The following EXOC6B variants were observed in gnomAD, a reference collection of about 807,000 sequenced individuals.
The protein encoded by EXOC6B is exocyst complex component 6B.
A neutral mutation model predicts 113.5 loss-of-function variants in EXOC6B; 54 were observed. That is an observed-to-expected ratio of 0.48 (90% CI 0.38 to 0.60). The LOEUF is 0.60. Among genes scored for constraint, EXOC6B ranks in the 20% least tolerant of loss-of-function variants. The pLI is 0.00. For synonymous variants in EXOC6B, 357 were observed against 339.0 expected (o/e 1.05, Z -0.58); for missense variants, 797 against 977.5 (o/e 0.82, Z 2.46).
intron 20 of EXOC6B, among the ~76,000 whole-genome samples, chr2:72,197,866 ATCC>A (rs1198785067): frequency 2.0e-5 from 3 of 152,180 alleles, no homozygotes; most frequent in East Asian, 3.8e-4. Context: ...AGAGTACATA[ATCC>A]TCCTAAAGGC....
chr2:72,727,693 T>G (rs1256978377), intron 5 of EXOC6B, among the ~76,000 whole-genome samples: 1 of 152,142 alleles, frequency 6.6e-6, no homozygotes, highest in Non-Finnish European at 1.5e-5. Context: ...TACTTTCAAC[T>G]GGTTCAAGAA....
At chr2:72,306,223 T>C (rs1169115324) in intron 20 of EXOC6B, among the ~76,000 whole-genome samples, 1 of 152,236 alleles carries the variant, frequency 6.6e-6, no homozygotes, top group Admixed American at 6.5e-5. Context: ...AAAATGAAAA[T>C]GTATACCGTT....
intron 1 of EXOC6B, among the ~76,000 whole-genome samples, chr2:72,745,937 T>A (rs1170416054): frequency 6.6e-6 from 1 of 152,132 alleles, no homozygotes; most frequent in Non-Finnish European, 1.5e-5. Context: ...TTTTTTCTTT[T>A]AATACCTTAA....
chr2:72,369,419 GA>G (rs1690860387), intron 19 of EXOC6B, among the ~76,000 whole-genome samples: 1 of 152,132 alleles, frequency 6.6e-6, no homozygotes, highest in Non-Finnish European at 1.5e-5. Context: ...TCAATATCGT[GA>G]AAATGGCCAT....
At chr2:72,362,626 C>T (rs964420214) in intron 19 of EXOC6B, among the ~76,000 whole-genome samples, 3 of 152,070 alleles carry the variant, frequency 2.0e-5, no homozygotes, top group African/African-American at 7.2e-5. Flanking sequence ...GATTCATTCA[C>T]CCTCGTGGCT....
chr2:72,488,942 TCTAAA>T (rs1005660336), intron 16 of EXOC6B, among the ~76,000 whole-genome samples: 15 of 152,308 alleles, frequency 9.8e-5, no homozygotes, highest in African/African-American at 3.6e-4. Context: ...TTGATACCTC[TCTAAA>T]CTAACCAGTT....
rs538367653 is a variant in EXOC6B at position 72,247,921 on chromosome 2, A to G, written c.2197-63734T>C. Among the ~76,000 whole-genome samples, 6 of 152,240 alleles carry G rather than the reference A, an allele frequency of 3.9e-5. No individual in the cohort carries two copies. In the East Asian group the frequency reaches 1.2e-3, roughly 29 times the overall value. On this transcript the variant is annotated intron_variant, in intron 20 of 21. Transcript: ENST00000272427. ...TCTTAAGAATCTTGGAGAGTCATCT[A>G]TTTTTTATGGTGTAGGTAAAAGATG...
At chr2:72,238,567 T>C (rs551839264) in intron 20 of EXOC6B, among the ~76,000 whole-genome samples, 119 of 152,326 alleles carry the variant, frequency 7.8e-4, no homozygotes, top group South Asian at 2.5e-3. Context: ...CAATGCTTGT[T>C]GTTACTTGTC....
intron 18 of EXOC6B, among the ~76,000 whole-genome samples, chr2:72,415,468 A>G (rs990811977): frequency 2.0e-5 from 3 of 152,158 alleles, no homozygotes; most frequent in Non-Finnish European, 4.4e-5. Context: ...ACTGTTAAAA[A>G]TATACTGACA....
intron 20 of EXOC6B, among the ~76,000 whole-genome samples, chr2:72,191,307 T>C (rs1489739774): frequency 1.3e-5 from 2 of 152,252 alleles, no homozygotes; most frequent in Non-Finnish European, 2.9e-5. Flanking sequence ...TATATTTCCT[T>C]GTTTTTTTCA....
chr2:72,259,904 T>G (rs1683604378), intron 20 of EXOC6B, among the ~76,000 whole-genome samples: 1 of 151,964 alleles, frequency 6.6e-6, no homozygotes, highest in African/African-American at 2.4e-5. Context: ...ATACAAAAAT[T>G]AGCCAGGGGT....
At chr2:72,460,794 G>A (rs958366091) in intron 18 of EXOC6B, among the ~76,000 whole-genome samples, 9 of 152,012 alleles carry the variant, frequency 5.9e-5, no homozygotes, top group Non-Finnish European at 1.0e-4. Flanking sequence ...GTGGCAGTCA[G>A]TGTGGTGATT....
intron 1 of EXOC6B, among the ~76,000 whole-genome samples, chr2:72,784,436 T>A (rs1432318643): frequency 6.6e-6 from 1 of 152,204 alleles, no homozygotes; most frequent in African/African-American, 2.4e-5. Context: ...TTTTGGGTAG[T>A]GTATTAGTCC....
intron 20 of EXOC6B, among the ~76,000 whole-genome samples, chr2:72,212,497 A>G (rs964440258): frequency 6.6e-6 from 1 of 152,240 alleles, no homozygotes; most frequent in African/African-American, 2.4e-5. Context: ...ATTAAATGTC[A>G]GTATCAAGCA....
chr2:72,299,501 C>T (rs1686363980), intron 20 of EXOC6B, among the ~76,000 whole-genome samples: 1 of 151,914 alleles, frequency 6.6e-6, no homozygotes, highest in Non-Finnish European at 1.5e-5. Context: ...TGTTATTACC[C>T]ACCCTCTGAA....
intron 20 of EXOC6B, among the ~76,000 whole-genome samples, chr2:72,249,446 G>A (rs892054306): frequency 3.3e-5 from 5 of 151,852 alleles, no homozygotes; most frequent in Non-Finnish European, 7.4e-5. Flanking sequence ...TAGTAGAGAC[G>A]GGGTTTCACC....
intron 7 of EXOC6B, among the ~76,000 whole-genome samples, chr2:72,567,061 T>C (rs1361952567): frequency 6.6e-6 from 1 of 152,058 alleles, no homozygotes; most frequent in African/African-American, 2.4e-5. Flanking sequence ...GGGATTTCAC[T>C]GAATATATCT....
chr2:72,246,187 C>G (rs1005808096), intron 20 of EXOC6B, among the ~76,000 whole-genome samples: 6 of 152,280 alleles, frequency 3.9e-5, no homozygotes, highest in African/African-American at 1.2e-4. Flanking sequence ...CCATGTCCAG[C>G]CTTGTGTCAC....
At position 72,464,817 on chromosome 2, in the gene EXOC6B, T is replaced by C. The variant is rs187822748; in HGVS notation, c.1980+343A>G. On this transcript the variant is annotated intron_variant, in intron 18 of 21. Transcript: ENST00000272427. ...CAGTTTATATAAAAAAGTTAAAGAA[T>C]ATTCTAAAACTAAAATATACATATC... The C allele has an allele frequency of 1.1e-4, 30 of 267,122 alleles. No homozygotes were observed. The East Asian group carries it at 2.1e-3, about 18-fold the overall frequency. 16.5% of individuals were successfully genotyped at this position (267,122 alleles called of 1,614,324 possible).
Sources: gnomAD v4.1 joint callset for allele counts (sites outside exome capture counted in the v4.1 genomes callset) on GRCh38, gnomAD v4.1.1 for gene constraint, MANE v1.5 for transcripts, NCBI Gene and HGNC (gene_info 2026-07-23, HGNC 2026-07-21) for gene names.